Variants in ESRRG observed in about 807,000 individuals in gnomAD.
ESRRG encodes estrogen related receptor gamma, also known as estrogen-related receptor gamma.
Under a neutral mutation model 44.0 loss-of-function variants are expected in ESRRG, and 13 were observed. The observed-to-expected ratio is 0.30, with a 90% CI of 0.19 to 0.47. The LOEUF is 0.47. ESRRG is among the 20% of genes least tolerant of loss of function. ESRRG has a pLI of 1.00. For synonymous variants in ESRRG, 215 were observed against 214.6 expected (o/e 1.00, Z -0.02); for missense variants, 395 against 580.6 (o/e 0.68, Z 3.29).
chr1:216,912,139 AG>A (rs1388549430), intron 2 of ESRRG, among the ~76,000 whole-genome samples: 3 of 27,354 alleles, frequency 1.1e-4, no homozygotes, highest in Non-Finnish European at 1.9e-4. Flanking sequence ...AGAAAAGAAA[AG>A]AAAAGAAAAG....
At chr1:217,060,818 A>AGAT (rs35629582) in intron 1 of ESRRG, among the ~76,000 whole-genome samples, 31,027 of 149,994 alleles carry the variant, frequency 0.21, 3,763 homozygotes, top group East Asian at 0.57. Flanking sequence ...ATAGATAGAT[A>AGAT]GATAGATAGA....
intron 1 of ESRRG, among the ~76,000 whole-genome samples, chr1:217,080,537 G>A (rs2091656769): frequency 6.6e-6 from 1 of 152,054 alleles, no homozygotes; most frequent in Non-Finnish European, 1.5e-5. Context: ...TAGCCCTGAT[G>A]AATTCTGGTA....
chr1:217,132,879 C>T (rs957534565), intron 1 of ESRRG, among the ~76,000 whole-genome samples: 1 of 152,164 alleles, frequency 6.6e-6, no homozygotes, highest in African/African-American at 2.4e-5. Context: ...GAAATTTCTT[C>T]TTTCTTCACT....
intron 6 of ESRRG, among the ~76,000 whole-genome samples, chr1:216,513,695 T>C (rs998983874): frequency 2.0e-5 from 3 of 152,184 alleles, no homozygotes; most frequent in African/African-American, 7.2e-5. Flanking sequence ...TATTGTTATG[T>C]TTACCTTGCA....
At chr1:217,050,684 G>A (rs997720924) in intron 1 of ESRRG, among the ~76,000 whole-genome samples, 5 of 152,144 alleles carry the variant, frequency 3.3e-5, no homozygotes, top group African/African-American at 1.2e-4. Context: ...ACCGAGATGT[G>A]GACCACATCT....
intron 1 of ESRRG, among the ~76,000 whole-genome samples, chr1:216,981,318 G>A (rs2073928382): frequency 6.6e-6 from 1 of 152,104 alleles, no homozygotes; most frequent in African/African-American, 2.4e-5. Flanking sequence ...TCTAATACAA[G>A]GTGCAGTGGT....
chr1:216,786,572 A>G (rs1034052697), intron 2 of ESRRG, among the ~76,000 whole-genome samples: 1 of 152,168 alleles, frequency 6.6e-6, no homozygotes, highest in African/African-American at 2.4e-5. Flanking sequence ...AAGATAATAT[A>G]GAAAATAAGC....
chr1:216,594,679 C>T (rs988634306), intron 3 of ESRRG, among the ~76,000 whole-genome samples: 9 of 152,174 alleles, frequency 5.9e-5, no homozygotes, highest in Non-Finnish European at 1.0e-4. Context: ...GTGACCTTTG[C>T]ATACATAGTT....
chr1:216,803,908 A>G (rs892976142), intron 2 of ESRRG, among the ~76,000 whole-genome samples: 1 of 152,080 alleles, frequency 6.6e-6, no homozygotes, highest in East Asian at 1.9e-4. Flanking sequence ...TGAGTAGATA[A>G]TAGGGCAAAG....
At chr1:216,825,082 T>C (rs1179523514) in intron 2 of ESRRG, among the ~76,000 whole-genome samples, 1 of 152,110 alleles carries the variant, frequency 6.6e-6, no homozygotes, top group African/African-American at 2.4e-5. Context: ...TTGCCATCAG[T>C]TTCTAGTCCC....
chr1:216,764,588 C>T (rs922129537), intron 2 of ESRRG, among the ~76,000 whole-genome samples: 2 of 151,958 alleles, frequency 1.3e-5, no homozygotes, highest in Non-Finnish European at 2.9e-5. Flanking sequence ...ACTCTTAACT[C>T]CTGGTCTCAA....
intron 3 of ESRRG, among the ~76,000 whole-genome samples, chr1:216,601,185 G>A (rs1409753373): frequency 1.3e-5 from 2 of 152,212 alleles, no homozygotes; most frequent in Admixed American, 1.3e-4. Flanking sequence ...CGCTCGGCCA[G>A]GGGCTCTGCT....
chr1:216,715,189 A>C lies in ESRRG; in HGVS notation c.56+8055T>G, dbSNP rs2084574621. 3.0e-6 allele frequency: 3 copies of C among 985,356 alleles called. 1 individual carries two copies. The South Asian group carries it at 1.4e-4, about 46-fold the overall frequency. The allele number at this position is 985,356 out of a possible 1,614,324, so 61.0% of individuals were successfully genotyped here. A position where few individuals can be genotyped will look rare whatever the true frequency, so the allele number is the denominator to read the frequency against. ...TGTAGTTCAGTACAATTCAGCTGAT[A>C]GTTGCTTTTCCATCTGTGACACTAT... On this transcript the variant is annotated intron_variant, in intron 1 of 6. Coordinates refer to ENST00000408911, the MANE Select transcript of ESRRG (RefSeq NM_001438.4).
chr1:216,923,871 C>A (rs753986424), intron 2 of ESRRG, among the ~76,000 whole-genome samples: 2 of 152,146 alleles, frequency 1.3e-5, no homozygotes, highest in Non-Finnish European at 2.9e-5. Context: ...AAGATGCTCA[C>A]GGCAGTGACT....
intron 3 of ESRRG, among the ~76,000 whole-genome samples, chr1:216,612,200 A>T (rs1172651942): frequency 6.6e-6 from 1 of 152,190 alleles, no homozygotes; most frequent in Non-Finnish European, 1.5e-5. Flanking sequence ...GATTCAAAAG[A>T]TACTCTGTAG....
At chr1:216,681,915 C>G (rs2077100221) in intron 1 of ESRRG, 1 of 152,094 alleles carries the variant, frequency 6.6e-6, no homozygotes, top group Admixed American at 6.6e-5. Context: ...AATGTGTGAT[C>G]GTGAATGAAC....
intron 2 of ESRRG, among the ~76,000 whole-genome samples, chr1:216,676,292 A>T (rs1044493884): frequency 9.9e-5 from 15 of 152,206 alleles, no homozygotes; most frequent in Non-Finnish European, 2.2e-4. Context: ...TATGGCGGAA[A>T]TAATGTTATT....
intron 1 of ESRRG, among the ~76,000 whole-genome samples, chr1:217,053,581 T>C (rs926811250): frequency 2.0e-5 from 3 of 152,210 alleles, no homozygotes; most frequent in Non-Finnish European, 2.9e-5. Context: ...AGTCATTAGA[T>C]GTCCATAGAT....
intron 1 of ESRRG, among the ~76,000 whole-genome samples, chr1:216,994,485 A>T (rs1429885269): frequency 2.6e-5 from 4 of 151,358 alleles, no homozygotes; most frequent in Admixed American, 2.0e-4. Flanking sequence ...ACACACACAC[A>T]TCCTGGTACA....
Sources: allele counts gnomAD v4.1 joint callset (sites outside exome capture counted in the v4.1 genomes callset), GRCh38; gene constraint gnomAD v4.1.1; transcripts MANE v1.5; gene names NCBI Gene and HGNC (gene_info 2026-07-23, HGNC 2026-07-21).